MSN: variants seen among roughly 807,000 people sequenced by gnomAD.
MSN encodes moesin, also known as epididymis luminal protein 70.
MSN carries 2 observed loss-of-function variants against 48.0 expected under a neutral mutation model. The ratio of observed to expected loss-of-function variants is 0.04; its 90% CI spans 0.02 to 0.13. MSN has a LOEUF of 0.13. Ranked by LOEUF, MSN falls within the 10% of genes least tolerant of loss-of-function variation. The probability of loss-of-function intolerance (pLI) is 1.00; values close to 1 mark genes in which losing one functional copy is unlikely to be tolerated. For missense variants in MSN, 267 were observed against 470.1 expected (o/e 0.57, Z 3.99); for synonymous variants, 146 against 166.9 (o/e 0.87, Z 0.97).
chrX:65,646,246 C>T (rs1328237424), intron 1 of MSN, among the ~76,000 whole-genome samples: 1 of 111,834 alleles, frequency 8.9e-6, no homozygotes, highest in African/African-American at 3.3e-5. Flanking sequence ...AATAATTTCT[C>T]CTCTTTCATT....
At chrX:65,638,022 C>A (rs1276934423) in intron 1 of MSN, among the ~76,000 whole-genome samples, 3 of 112,272 alleles carry the variant, frequency 2.7e-5, no homozygotes, top group Non-Finnish European at 5.6e-5. Flanking sequence ...GATTTTTCAG[C>A]ATGGCTATCT....
intron 1 of MSN, among the ~76,000 whole-genome samples, chrX:65,609,591 G>A (rs2070303942): frequency 9.0e-6 from 1 of 111,593 alleles, no homozygotes; most frequent in South Asian, 3.8e-4. Context: ...AGGATAAAGA[G>A]TAGATTTCCT....
chrX:65,623,230 G>A (rs1293289033), intron 1 of MSN, among the ~76,000 whole-genome samples: 3 of 109,531 alleles, frequency 2.7e-5, no homozygotes, highest in Non-Finnish European at 5.7e-5. Context: ...AACATTGTAT[G>A]CCTTCATCTG....
chrX:65,741,865 G>T lies in MSN; in HGVS notation c.*1972G>T. 1 of 162,016 alleles carries T rather than the reference G, an allele frequency of 6.2e-6. No individual in the cohort carries two copies. The highest frequency in any genetic ancestry group is 1.2e-5 in the Non-Finnish European group (1 of 82,906). 13.4% of individuals were successfully genotyped at this position (162,016 alleles called of 1,213,427 possible). A position where few individuals can be genotyped will look rare whatever the true frequency, so the allele number is the denominator to read the frequency against. ...GTACTTTTTGGGTTTTTTAAAAATTGTTTTTGGAGGGGTTTATGCTCAATC... is the reference window on the plus strand; with the variant it reads ...GTACTTTTTGGGTTTTTTAAAAATTTTTTTTGGAGGGGTTTATGCTCAATC... On this transcript the variant is annotated 3_prime_UTR_variant, in exon 13 of 13. Transcript: ENST00000360270.
intron 1 of MSN, among the ~76,000 whole-genome samples, chrX:65,684,585 C>T (rs909473249): frequency 1.8e-5 from 2 of 110,648 alleles, no homozygotes; most frequent in Non-Finnish European, 3.8e-5. Context: ...ATTACAGGCA[C>T]ATGCCACCAC....
chrX:65,637,464 C>T (rs774211185), intron 1 of MSN, among the ~76,000 whole-genome samples: 1 of 109,753 alleles, frequency 9.1e-6, no homozygotes, highest in Non-Finnish European at 1.9e-5. Context: ...GCTTTCCACA[C>T]CCTACTCCTA....
At chrX:65,678,714 T>A (rs190333214) in intron 1 of MSN, among the ~76,000 whole-genome samples, 1 of 111,623 alleles carries the variant, frequency 9.0e-6, no homozygotes, top group Non-Finnish European at 1.9e-5. Flanking sequence ...GGGGCACTTG[T>A]CTGGGTGTCT....
intron 1 of MSN, among the ~76,000 whole-genome samples, chrX:65,612,103 C>T (rs2070324997): frequency 8.9e-6 from 1 of 111,901 alleles, no homozygotes; most frequent in South Asian, 3.7e-4. Flanking sequence ...GAAACTTACT[C>T]CCCAATGCAA....
At chrX:65,669,413 A>T (rs1316495278) in intron 1 of MSN, among the ~76,000 whole-genome samples, 1 of 111,619 alleles carries the variant, frequency 9.0e-6, no homozygotes, top group Non-Finnish European at 1.9e-5. Flanking sequence ...GTAGTGGCAT[A>T]TCTCATCCTC....
At chrX:65,588,412 G>A (rs1462779817) in exon 1 of MSN, 3 of 284,051 alleles carry the variant, frequency 1.1e-5, no homozygotes, top group African/African-American at 2.8e-5. Flanking sequence ...GAGGCGCCCG[G>A]AAAACCTTAG....
intron 1 of MSN, among the ~76,000 whole-genome samples, chrX:65,620,025 T>C: frequency 8.9e-6 from 1 of 111,793 alleles, no homozygotes; most frequent in Non-Finnish European, 1.9e-5. Context: ...TGCTCGGGGA[T>C]CAGGGGTCAG....
chrX:65,589,451 C>T (rs1343489806), intron 1 of MSN, among the ~76,000 whole-genome samples: 4 of 112,017 alleles, frequency 3.6e-5, no homozygotes, highest in Non-Finnish European at 7.5e-5. Context: ...TCACCGTGAC[C>T]ACACTTGAGA....
chrX:65,677,202 AT>A (rs772758637), intron 1 of MSN, among the ~76,000 whole-genome samples: 163 of 111,284 alleles, frequency 1.5e-3, no homozygotes, highest in Middle Eastern at 4.6e-3. Context: ...ATCTGTTGTA[AT>A]TTTTAACTGA....
At chrX:65,631,191 G>A (rs2070554633) in intron 1 of MSN, among the ~76,000 whole-genome samples, 1 of 109,461 alleles carries the variant, frequency 9.1e-6, no homozygotes, top group Non-Finnish European at 1.9e-5. Context: ...CACCTCCCGG[G>A]CTCAAACAAT....
chrX:65,681,809 G>A (rs972106809), intron 1 of MSN, among the ~76,000 whole-genome samples: 1 of 112,461 alleles, frequency 8.9e-6, no homozygotes, highest in African/African-American at 3.2e-5. Flanking sequence ...GTTCCAGTTG[G>A]CCTTTTAAAG....
chrX:65,597,966 T>C (rs1222985726), intron 1 of MSN, among the ~76,000 whole-genome samples: 1 of 111,685 alleles, frequency 9.0e-6, no homozygotes, highest in Non-Finnish European at 1.9e-5. Flanking sequence ...GGGCCTGTTA[T>C]GAGACCTTTC....
intron 1 of MSN, among the ~76,000 whole-genome samples, chrX:65,636,807 C>T (rs1303488226): frequency 4.2e-5 from 4 of 94,538 alleles, no homozygotes; most frequent in African/African-American, 1.6e-4. Flanking sequence ...AAGGGCCAGG[C>T]GCGGTGGCTC....
intron 1 of MSN, among the ~76,000 whole-genome samples, chrX:65,598,407 A>T (rs1250320161): frequency 1.8e-5 from 2 of 109,568 alleles, no homozygotes; most frequent in Non-Finnish European, 3.8e-5. Context: ...AGGAGAGAGG[A>T]GAGAAAAACA....
At chrX:65,659,417 G>T (rs998864569) in intron 1 of MSN, among the ~76,000 whole-genome samples, 4 of 112,013 alleles carry the variant, frequency 3.6e-5, no homozygotes, top group African/African-American at 1.3e-4. Context: ...GCCTCCCAAA[G>T]TGTTGGGATT....
Sources: allele counts gnomAD v4.1 joint callset (sites outside exome capture counted in the v4.1 genomes callset), GRCh38; gene constraint gnomAD v4.1.1; transcripts MANE v1.5; gene names NCBI Gene and HGNC (gene_info 2026-07-23, HGNC 2026-07-21).